The following SEMA6D variants were observed in gnomAD, a reference collection of about 807,000 sequenced individuals.
The protein encoded by SEMA6D is semaphorin 6D.
SEMA6D carries 35 observed loss-of-function variants against 106.6 expected under a neutral mutation model. The observed-to-expected ratio is 0.33, with a 90% CI of 0.25 to 0.44. The LOEUF (loss-of-function observed/expected upper bound fraction) is 0.44, where lower values mean the gene tolerates loss of function less well. Among genes scored for constraint, SEMA6D ranks in the 20% least tolerant of loss-of-function variants. The pLI is 1.00. For synonymous variants in SEMA6D, 499 were observed against 487.7 expected (o/e 1.02, Z -0.31); for missense variants, 1,185 against 1,345.9 (o/e 0.88, Z 1.87).
In SEMA6D at chr15:47,207,991, G is replaced by A. The variant is rs868662271; in HGVS notation, c.-239+23573G>A. Among the ~76,000 whole-genome samples, 84 of 122,988 alleles carry A rather than the reference G, an allele frequency of 6.8e-4. 3 individuals are homozygous for A. Among genetic ancestry groups the A allele is most frequent in the South Asian group, 5.0e-3 (18 of 3,606 alleles). The allele number at this position is 122,988 out of a possible 152,430, so 80.7% of individuals were successfully genotyped here. A position where few individuals can be genotyped will look rare whatever the true frequency, so the allele number is the denominator to read the frequency against. ...ACAGGTACAGTAGCCACTGGCGCGC[G>A]CGCACACACACACACACACACACAC... On this transcript the variant is annotated intron_variant, in intron 1 of 19. Coordinates refer to the SEMA6D transcript ENST00000558014.
intron 2 of SEMA6D, among the ~76,000 whole-genome samples, chr15:47,417,029 T>C (rs16959435): frequency 0.015 from 2,263 of 152,050 alleles, 65 homozygotes; most frequent in African/African-American, 0.052. Flanking sequence ...TTATGAAAAA[T>C]TGGGACAGAT....
At chr15:47,345,176 A>C (rs960464532) in intron 1 of SEMA6D, among the ~76,000 whole-genome samples, 134 of 152,324 alleles carry the variant, frequency 8.8e-4, no homozygotes, top group African/African-American at 3.2e-3. Flanking sequence ...ACACAATTCC[A>C]AGTCAAATTT....
chr15:47,738,203 A>C (rs181385363), intron 1 of SEMA6D, among the ~76,000 whole-genome samples: 3 of 151,936 alleles, frequency 2.0e-5, no homozygotes, highest in African/African-American at 7.2e-5. Flanking sequence ...CTCTGTGTCC[A>C]CGTGTTCTCA....
At chr15:47,338,915 A>G (rs1253836743) in intron 1 of SEMA6D, among the ~76,000 whole-genome samples, 1 of 152,186 alleles carries the variant, frequency 6.6e-6, no homozygotes, top group Non-Finnish European at 1.5e-5. Flanking sequence ...TTCCTGCACC[A>G]TACCATAGAG....
At chr15:47,732,531 G>A (rs966264347) in intron 1 of SEMA6D, among the ~76,000 whole-genome samples, 3 of 152,108 alleles carry the variant, frequency 2.0e-5, no homozygotes, top group African/African-American at 7.2e-5. Flanking sequence ...CAGGGGAATG[G>A]GACCACCTCA....
intron 3 of SEMA6D, among the ~76,000 whole-genome samples, chr15:47,552,846 ATATATAAATATATATATATTTT>A (rs1197162992): frequency 1.3e-5 from 1 of 78,290 alleles, no homozygotes; most frequent in African/African-American, 8.1e-5. Flanking sequence ...ATATATAAAT[ATATATAAATATATATATATTTT>A]TATATATATA....
intron 1 of SEMA6D, among the ~76,000 whole-genome samples, chr15:47,202,726 A>C (rs1268233782): frequency 6.6e-6 from 1 of 152,106 alleles, no homozygotes; most frequent in East Asian, 1.9e-4. Flanking sequence ...CTGCTCTAAA[A>C]CTTGCCGCAG....
chr15:47,660,262 G>A (rs572059677), intron 4 of SEMA6D, among the ~76,000 whole-genome samples: 14 of 152,118 alleles, frequency 9.2e-5, no homozygotes, highest in South Asian at 6.2e-4. Flanking sequence ...GGAAGGGACC[G>A]TAAGATATTT....
intron 1 of SEMA6D, among the ~76,000 whole-genome samples, chr15:47,727,664 A>AC (rs1158768235): frequency 1.0e-4 from 14 of 140,668 alleles, no homozygotes; most frequent in African/African-American, 7.7e-5. Flanking sequence ...TTCCCCCCCA[A>AC]CCCCCCCAGT....
intron 4 of SEMA6D, among the ~76,000 whole-genome samples, chr15:47,690,013 A>C (rs138264487): frequency 0.013 from 1,955 of 150,838 alleles, 41 homozygotes; most frequent in African/African-American, 0.045. Context: ...GCTGTTAAAA[A>C]CCCCCTCCAT....
chr15:47,261,319 G>A (rs1010418008), intron 1 of SEMA6D, among the ~76,000 whole-genome samples: 11 of 152,138 alleles, frequency 7.2e-5, no homozygotes, highest in South Asian at 4.1e-4. Context: ...CAGGTTAGGT[G>A]AATATTACTA....
At chr15:47,279,046 G>A (rs1448114176) in intron 1 of SEMA6D, among the ~76,000 whole-genome samples, 1 of 106,534 alleles carries the variant, frequency 9.4e-6, no homozygotes, top group Non-Finnish European at 1.9e-5. Context: ...GTCAGGTAGT[G>A]TGATGCCTCC....
chr15:47,553,273 T>C (rs2045817989), intron 3 of SEMA6D, among the ~76,000 whole-genome samples: 1 of 151,968 alleles, frequency 6.6e-6, no homozygotes, highest in Non-Finnish European at 1.5e-5. Flanking sequence ...CCTTAAAAAA[T>C]TGTCACACTT....
chr15:47,306,997 T>C (rs1454389878), intron 1 of SEMA6D, among the ~76,000 whole-genome samples: 1 of 152,252 alleles, frequency 6.6e-6, no homozygotes, highest in Non-Finnish European at 1.5e-5. Flanking sequence ...CATAACATTA[T>C]AGTTTTTACA....
At chr15:47,689,356 G>C (rs966043764) in intron 4 of SEMA6D, among the ~76,000 whole-genome samples, 3 of 152,158 alleles carry the variant, frequency 2.0e-5, no homozygotes, top group African/African-American at 4.8e-5. Context: ...GCATGTAACT[G>C]AATTCAGTAG....
At chr15:47,222,393 T>G (rs2031288546) in intron 1 of SEMA6D, among the ~76,000 whole-genome samples, 1 of 152,184 alleles carries the variant, frequency 6.6e-6, no homozygotes. Flanking sequence ...TCTTTCCAGA[T>G]ACCACAGATC....
chr15:47,378,481 A>T (rs897032501), intron 1 of SEMA6D, among the ~76,000 whole-genome samples: 51 of 152,262 alleles, frequency 3.3e-4, no homozygotes, highest in African/African-American at 1.2e-3. Context: ...GGGTGATGGA[A>T]CCAGACCCTG....
intron 1 of SEMA6D, among the ~76,000 whole-genome samples, chr15:47,299,642 A>G (rs1452368221): frequency 6.6e-6 from 1 of 152,242 alleles, no homozygotes; most frequent in Non-Finnish European, 1.5e-5. Flanking sequence ...AGGCTGACAT[A>G]AATCAGAATA....
chr15:47,210,088 C>A (rs1895378374), intron 1 of SEMA6D, among the ~76,000 whole-genome samples: 1 of 152,164 alleles, frequency 6.6e-6, no homozygotes, highest in African/African-American at 2.4e-5. Context: ...CAATGACCTA[C>A]CCTTTAAGTT....
Sources: allele counts gnomAD v4.1 joint callset (sites outside exome capture counted in the v4.1 genomes callset), GRCh38; gene constraint gnomAD v4.1.1; transcripts MANE v1.5; gene names NCBI Gene and HGNC (gene_info 2026-07-23, HGNC 2026-07-21).